The following ITGAV variants were observed in gnomAD, a reference collection of about 807,000 sequenced individuals.
ITGAV encodes integrin alpha-V.
In ITGAV, 76 loss-of-function variants were observed where a neutral mutation model predicts 143.8. The observed-to-expected ratio is 0.53, with a 90% CI of 0.44 to 0.64. The LOEUF (loss-of-function observed/expected upper bound fraction) is 0.64, where lower values mean the gene tolerates loss of function less well. ITGAV is among the 30% of genes least tolerant of loss of function. ITGAV has a pLI of 0.00. For synonymous variants in ITGAV, 453 were observed against 446.7 expected, an observed-to-expected ratio of 1.01 and a Z score of -0.18; for missense variants, 1,193 against 1,274.7, an observed-to-expected ratio of 0.94 and a Z score of 0.98.
intron 17 of ITGAV, among the ~76,000 whole-genome samples, chr2:186,658,267 A>C (rs373023217): frequency 2.6e-5 from 4 of 152,178 alleles, no homozygotes; most frequent in African/African-American, 9.6e-5. Flanking sequence ...AAAAACTTCA[A>C]GATTTAAGAA....
rs1471521413 is a variant in ITGAV, at chr2:186,680,065, A to G, written c.*2773A>G. 1.3e-5 allele frequency: 2 copies of G among 152,044 alleles called. No homozygotes were observed. The highest frequency in any genetic ancestry group is 2.1e-4 in the South Asian group (1 of 4,826). 9.4% of individuals were successfully genotyped at this position (152,044 alleles called of 1,614,324 possible). ...ATAGATCAGCGATTTTTGTAAGGCA[A>G]ACAGAATTTGTAAGTTGGCAGATCT... On this transcript the variant is annotated 3_prime_UTR_variant, in exon 30 of 30. Transcript: ENST00000261023.
chr2:186,606,705 C>T (rs1446047671), intron 2 of ITGAV, among the ~76,000 whole-genome samples: 1 of 152,098 alleles, frequency 6.6e-6, no homozygotes, highest in Non-Finnish European at 1.5e-5. Context: ...TAGTCAGTCA[C>T]ATCTTTCTCT....
At chr2:186,643,743 A>G (rs1454130799) in intron 12 of ITGAV, among the ~76,000 whole-genome samples, 7 of 152,240 alleles carry the variant, frequency 4.6e-5, no homozygotes, top group South Asian at 2.1e-4. Flanking sequence ...AAAGCAGGAA[A>G]GAGCATCTAA....
At position 186,630,878 on chromosome 2, in the gene ITGAV, T is replaced by A; in HGVS notation, c.585+20T>A. On this transcript the variant is annotated intron_variant, in intron 5 of 29. Transcript: ENST00000261023. ...ACTAAAGTAAGTTCTTATTTAAGAC[T>A]GAATGAGATTCACATCTACCTTATT... 1 of 1,372,914 alleles carries A rather than the reference T, an allele frequency of 7.3e-7. No homozygotes were observed. Among genetic ancestry groups the A allele is most frequent in the Non-Finnish European group, 1.0e-6 (1 of 965,244 alleles). The allele number at this position is 1,372,914 out of a possible 1,614,324, so 85.0% of individuals were successfully genotyped here.
chr2:186,601,926 G>C, intron 1 of ITGAV, 95 bp from the exon 2 acceptor site: 1 of 1,256,322 alleles, frequency 8.0e-7, no homozygotes, highest in East Asian at 2.4e-5. Context: ...AATATTTATA[G>C]ATAATATCAA....
chr2:186,661,417 A>C (rs924324396), intron 18 of ITGAV, among the ~76,000 whole-genome samples: 3 of 152,092 alleles, frequency 2.0e-5, no homozygotes. Flanking sequence ...AGCCCATTTC[A>C]AGTGCTCAGA....
At position 186,651,751 on chromosome 2, in the gene ITGAV, C is replaced by T. The variant is rs1436983649; in HGVS notation, c.1398-231C>T. Among the ~76,000 whole-genome samples the T allele has an allele frequency of 4.6e-5, 7 of 152,282 alleles. No homozygotes were observed. In the East Asian group the frequency reaches 1.2e-3, roughly 25 times the overall value. On this transcript the variant is annotated intron_variant, in intron 14 of 29. Transcript: ENST00000261023. ...AGCCATTGTCCCACTTTGTCTGGAA[C>T]TGAGCGATTTCCCAGGATGCAGGAG...
chr2:186,621,231 A>G (rs1040936670), intron 2 of ITGAV, among the ~76,000 whole-genome samples: 1 of 152,180 alleles, frequency 6.6e-6, no homozygotes. Context: ...ACTTATAGAA[A>G]ATTTCAATTT....
intron 2 of ITGAV, among the ~76,000 whole-genome samples, chr2:186,616,241 A>G (rs1687353336): frequency 6.6e-6 from 1 of 151,612 alleles, no homozygotes; most frequent in Non-Finnish European, 1.5e-5. Flanking sequence ...TAATATCTGA[A>G]TATTTGCAGC....
At chr2:186,675,484 C>G in intron 26 of ITGAV, 120 bp from the exon 27 acceptor site, 1 of 677,866 alleles carries the variant, frequency 1.5e-6, no homozygotes, top group Admixed American at 2.6e-5. Flanking sequence ...ATTTTCAAGA[C>G]AGAAGAATCT....
intron 2 of ITGAV, among the ~76,000 whole-genome samples, chr2:186,605,716 A>G (rs1687039973): frequency 6.7e-6 from 1 of 149,334 alleles, no homozygotes; most frequent in Non-Finnish European, 1.5e-5. Context: ...GAAATAACTA[A>G]AGTCCTTTAG....
chr2:186,645,695 G>A (rs946830801), intron 12 of ITGAV, among the ~76,000 whole-genome samples: 10 of 152,136 alleles, frequency 6.6e-5, no homozygotes, highest in Admixed American at 2.0e-4. Flanking sequence ...AAGGCCGGGC[G>A]CGTGGTTCAC....
intron 2 of ITGAV, among the ~76,000 whole-genome samples, chr2:186,612,215 ACTGACAGTCTGAGCCTTGGCCATGTTT>A (rs1207151032): frequency 1.3e-5 from 2 of 152,154 alleles, no homozygotes; most frequent in Non-Finnish European, 2.9e-5. Context: ...AGCAGATGCT[ACTGACAGTCTGAGCCTTGGCCATGTTT>A]CTTAGTAATG....
intron 2 of ITGAV, among the ~76,000 whole-genome samples, chr2:186,603,513 T>C (rs557252896): frequency 1.5e-3 from 226 of 152,280 alleles, no homozygotes; most frequent in Admixed American, 3.3e-3. Flanking sequence ...TATTTTTCCA[T>C]ATATGGCTAA....
chr2:186,627,031 G>A (rs747915675), intron 4 of ITGAV, among the ~76,000 whole-genome samples: 21 of 152,114 alleles, frequency 1.4e-4, no homozygotes, highest in Non-Finnish European at 2.2e-4. Context: ...ATTATATGAT[G>A]TACACACACA....
rs1052861982 is a variant in ITGAV at position 186,669,953 on chromosome 2, C to T, written c.2706+139C>T. 2.9e-5 allele frequency: 19 copies of T among 652,752 alleles called. No homozygotes were observed. The African/African-American group carries it at 3.5e-4, about 12-fold the overall frequency. 40.4% of individuals were successfully genotyped at this position (652,752 alleles called of 1,614,324 possible). A position where few individuals can be genotyped will look rare whatever the true frequency, so the allele number is the denominator to read the frequency against. On this transcript the variant is annotated intron_variant, in intron 26 of 29. Transcript: ENST00000261023. The stretch of plus-strand genomic sequence containing the variant: ...ATTTTTATACCATGCATTCCTCTCA[C>T]TTTCCTTTTTCCTAGTCAGATTAAT...
chr2:186,659,956 A>G (rs746400085), intron 18 of ITGAV, among the ~76,000 whole-genome samples: 1 of 152,010 alleles, frequency 6.6e-6, no homozygotes, highest in Non-Finnish European at 1.5e-5. Context: ...ACTTATAACC[A>G]TACTTCTGTG....
rs143680642 is a variant in ITGAV at position 186,616,578 on chromosome 2, G to A, written c.317-5761G>A. Among the ~76,000 whole-genome samples, 401 of 152,222 alleles carry A rather than the reference G, an allele frequency of 2.6e-3. 1 individual carries two copies. The highest frequency in any genetic ancestry group is 8.9e-3 in the African/African-American group (370 of 41,564). On this transcript the variant is annotated intron_variant, in intron 2 of 29. Transcript: ENST00000261023. ...CAGGCGCGAGCCACCGCGCCCGGCC[G>A]ATATACCTTATTTCAAAATAGCATT...
intron 1 of ITGAV, among the ~76,000 whole-genome samples, chr2:186,591,681 T>C (rs1242734696): frequency 6.6e-6 from 1 of 152,218 alleles, no homozygotes; most frequent in Admixed American, 6.5e-5. Context: ...CAGCAGAATT[T>C]AGTCTTAGTG....
Sources: gnomAD v4.1 joint callset for allele counts (sites outside exome capture counted in the v4.1 genomes callset) on GRCh38, gnomAD v4.1.1 for gene constraint, MANE v1.5 for transcripts, NCBI Gene and HGNC (gene_info 2026-07-23, HGNC 2026-07-21) for gene names.